SCN2A: variants seen among roughly 807,000 people sequenced by gnomAD.
SCN2A encodes sodium channel protein type 2 subunit alpha.
Under a neutral mutation model 188.7 loss-of-function variants are expected in SCN2A, and 20 were observed. The observed-to-expected ratio is 0.11, with a 90% CI of 0.07 to 0.15. SCN2A has a LOEUF of 0.15. SCN2A is among the 10% of genes least tolerant of loss of function. SCN2A has a pLI of 1.00. For synonymous variants in SCN2A, 804 were observed against 833.1 expected, an observed-to-expected ratio of 0.97 and a Z score of 0.60; for missense variants, 1,278 against 2,445.0, an observed-to-expected ratio of 0.52 and a Z score of 10.07.
At chr2:165,266,552 C>T (rs1405924017) in intron 1 of SCN2A, 4 of 152,118 alleles carry the variant, frequency 2.6e-5, no homozygotes, top group African/African-American at 9.7e-5. Context: ...GCAACTCCTT[C>T]TCGATCAACA....
At chr2:165,309,019 C>G in intron 5 of SCN2A, 1 of 1,072,382 alleles carries the variant, frequency 9.3e-7, no homozygotes, top group Non-Finnish European at 1.4e-6. Flanking sequence ...TCCCAAATAA[C>G]AGAGATTATG....
chr2:165,377,164 T>C (rs554860575), intron 22 of SCN2A, among the ~76,000 whole-genome samples: 1 of 151,972 alleles, frequency 6.6e-6, no homozygotes, highest in Non-Finnish European at 1.5e-5. Flanking sequence ...TGATTGGTGA[T>C]TGGTGTAATA....
At chr2:165,309,094 AGGTC>A in intron 5 of SCN2A, 9 of 1,495,104 alleles carry the variant, frequency 6.0e-6, no homozygotes, top group Non-Finnish European at 8.4e-6. Context: ...GAAATTAAAA[AGGTC>A]TTGATGAAAG....
At chr2:165,247,629 A>C (rs559891242) in intron 1 of SCN2A, among the ~76,000 whole-genome samples, 89 of 151,538 alleles carry the variant, frequency 5.9e-4, no homozygotes, top group African/African-American at 2.1e-3. Flanking sequence ...TTTACTCTTT[A>C]CTCTGCCTTC....
At chr2:165,327,084 TC>T (rs1698397923) in intron 13 of SCN2A, 100 bp downstream of exon 13, 9 of 1,383,802 alleles carry the variant, frequency 6.5e-6, no homozygotes, top group Non-Finnish European at 9.2e-6. Context: ...TGATATTGTA[TC>T]ATTATTACAC....
rs375015938 is a variant in SCN2A, at chr2:165,266,018, A to G, written c.-52+26378A>G. On this transcript the variant is annotated intron_variant, in intron 1 of 26. Transcript: ENST00000375437. ...ACATTTCTGTTATAATATTTTCTCT[A>G]TTATATTTCATTTTAGTTACTAAAG... Among the ~76,000 whole-genome samples the G allele has an allele frequency of 6.6e-5, 10 of 151,790 alleles. No homozygotes were observed. In the East Asian group the frequency reaches 1.9e-3, roughly 30 times the overall value.
At chr2:165,384,059 C>G (rs1480516558) in intron 25 of SCN2A, among the ~76,000 whole-genome samples, 2 of 151,878 alleles carry the variant, frequency 1.3e-5, no homozygotes, top group Admixed American at 1.3e-4. Context: ...CATAAAAATG[C>G]ACAAGATGTG....
At chr2:165,360,832 TG>T (rs1160333829) in intron 17 of SCN2A, among the ~76,000 whole-genome samples, 2 of 151,982 alleles carry the variant, frequency 1.3e-5, no homozygotes, top group African/African-American at 4.8e-5. Context: ...GTTCATATTT[TG>T]GTCACTTACT....
intron 1 of SCN2A, among the ~76,000 whole-genome samples, chr2:165,276,149 TTTTG>T (rs1356452696): frequency 6.6e-6 from 1 of 152,208 alleles, no homozygotes; most frequent in East Asian, 1.9e-4. Flanking sequence ...TACTGCCTTT[TTTTG>T]TTTGTTTGTT....
rs1013411217 is a variant in SCN2A at position 165,247,540 on chromosome 2, C to T, written c.-52+7900C>T. 3.3e-5 allele frequency among the ~76,000 whole-genome samples: 5 copies of T among 152,266 alleles called. No individual in the cohort carries two copies. In the South Asian group the frequency reaches 1.0e-3, roughly 32 times the overall value. On this transcript the variant is annotated intron_variant, in intron 1 of 26. Coordinates refer to ENST00000375437, the MANE Select transcript of SCN2A (RefSeq NM_001040142.2). ...GTTCATTGCTGTCTCCCCCTTGATA[C>T]ACTGCCTTCCGTTGGATTTCAGGAT...
chr2:165,276,693 C>T (rs1559331764), intron 1 of SCN2A, among the ~76,000 whole-genome samples: 1 of 152,026 alleles, frequency 6.6e-6, no homozygotes, highest in Non-Finnish European at 1.5e-5. Flanking sequence ...AATTCAGTAC[C>T]ACATATTTAT....
intron 13 of SCN2A, among the ~76,000 whole-genome samples, chr2:165,331,070 G>A (rs1481798350): frequency 6.6e-6 from 1 of 152,114 alleles, no homozygotes; most frequent in Non-Finnish European, 1.5e-5. Flanking sequence ...TTGAAGATAA[G>A]TATCAGACAG....
intron 8 of SCN2A, among the ~76,000 whole-genome samples, chr2:165,313,002 C>T (rs1433882876): frequency 6.6e-6 from 1 of 152,048 alleles, no homozygotes; most frequent in Non-Finnish European, 1.5e-5. Flanking sequence ...GCGTTACATA[C>T]AGTATCTTCT....
chr2:165,245,948 C>T (rs901587210), intron 1 of SCN2A, among the ~76,000 whole-genome samples: 4 of 152,100 alleles, frequency 2.6e-5, no homozygotes, highest in Admixed American at 6.6e-5. Context: ...ATCCATCAAC[C>T]GAAATCTCTA....
At chr2:165,318,045 AG>A (rs1368314519) in intron 11 of SCN2A, among the ~76,000 whole-genome samples, 1 of 152,154 alleles carries the variant, frequency 6.6e-6, no homozygotes, top group Non-Finnish European at 1.5e-5. Context: ...ACCAGATAGA[AG>A]TACTTAATCT....
chr2:165,297,034 T>C lies in SCN2A; in HGVS notation c.285T>C (p.Asn95=). 1 of 1,603,150 alleles carries C rather than the reference T, an allele frequency of 6.2e-7. No homozygotes were observed. Among genetic ancestry groups the C allele is most frequent in the Non-Finnish European group, 8.5e-7 (1 of 1,170,750 alleles). Residue 95 remains asparagine (N), a synonymous_variant, in exon 3 of 27, where the codon AAT becomes AAC. Coordinates refer to ENST00000375437, the MANE Select transcript of SCN2A (RefSeq NM_001040142.2). ...TTTTTCAGACGTTTATAGTATTGAATAAAGGGAAAGCAATCTCTCGATTCA... is the reference window on the plus strand; with the variant it reads ...TTTTTCAGACGTTTATAGTATTGAACAAAGGGAAAGCAATCTCTCGATTCA... ...YINKKTFIVL[N]KGKAISRFSA... is the part of the protein sequence containing the mutation.
intron 21 of SCN2A, 55 bp downstream of exon 21, chr2:165,373,402 CTT>C (rs1187866060): frequency 9.4e-6 from 15 of 1,591,770 alleles, no homozygotes; most frequent in Admixed American, 1.7e-5. Context: ...CAGACTGACA[CTT>C]TGTACCATGG....
In SCN2A at chr2:165,313,713, C is replaced by G. The variant is rs746611517; in HGVS notation, c.1128C>G (p.Ser376=). The part of the protein sequence containing the change: ...SFDTFSWAFL[S]LFRLMTQDFW... ...ACACCTTTAGTTGGGCCTTTTTGTC[C>G]TTATTTCGTCTCATGACTCAAGACT... Residue 376 remains serine (S), a synonymous_variant, in exon 9 of 27, where the codon TCC becomes TCG. Coordinates refer to ENST00000375437, the MANE Select transcript of SCN2A (RefSeq NM_001040142.2). The G allele has an allele frequency of 1.2e-6, 2 of 1,613,590 alleles. No individual in the cohort carries two copies. Among genetic ancestry groups the G allele is most frequent in the South Asian group, 1.1e-5 (1 of 91,072 alleles).
At chr2:165,306,504 TTGTGTGTGTGTGTGTG>T (rs10524719) in intron 3 of SCN2A, among the ~76,000 whole-genome samples, 2,647 of 147,328 alleles carry the variant, frequency 0.018, 49 homozygotes, top group African/African-American at 0.05. Context: ...AAATGGTATT[TTGTGTGTGTGTGTGTG>T]TGTGTGTGTG....
Sources: allele counts gnomAD v4.1 joint callset (sites outside exome capture counted in the v4.1 genomes callset), GRCh38; gene constraint gnomAD v4.1.1; transcripts MANE v1.5; gene names NCBI Gene and HGNC (gene_info 2026-07-23, HGNC 2026-07-21).